Variants in ATP2C1 observed in about 807,000 individuals in gnomAD.
ATP2C1 encodes the protein calcium-transporting ATPase type 2C member 1.
In ATP2C1, 31 loss-of-function variants were observed where a neutral mutation model predicts 120.5. The observed-to-expected ratio is 0.26, with a 90% CI of 0.19 to 0.35. The LOEUF (loss-of-function observed/expected upper bound fraction) is 0.35. Among genes scored for constraint, ATP2C1 ranks in the 10% least tolerant of loss-of-function variants. ATP2C1 has a pLI of 1.00. For missense variants in ATP2C1, 731 were observed against 1,107.5 expected (o/e 0.66, Z 4.83); for synonymous variants, 351 against 358.7 (o/e 0.98, Z 0.24).
intron 5 of ATP2C1, among the ~76,000 whole-genome samples, chr3:130,934,932 C>T (rs2059602494): frequency 1.3e-5 from 2 of 152,056 alleles, no homozygotes; most frequent in African/African-American, 4.8e-5. Flanking sequence ...CTCCTGGGCT[C>T]AAGCTGTTTT....
At chr3:130,895,886 T>C (rs548344118) in intron 2 of ATP2C1, among the ~76,000 whole-genome samples, 14 of 152,336 alleles carry the variant, frequency 9.2e-5, no homozygotes, top group African/African-American at 3.4e-4. Context: ...GGATGGATAA[T>C]TGGCGGAAGA....
intron 16 of ATP2C1, among the ~76,000 whole-genome samples, chr3:130,968,273 T>C (rs1262349159): frequency 2.6e-5 from 4 of 152,222 alleles, no homozygotes; most frequent in African/African-American, 7.2e-5. Flanking sequence ...TCCTGTGTTA[T>C]GCTTATAAAG....
In ATP2C1 at chr3:130,914,815, AT is replaced by A. The variant is rs571072648; in HGVS notation, c.7-15600del. 2.0e-5 allele frequency among the ~76,000 whole-genome samples: 3 copies of A among 152,358 alleles called. No homozygotes were observed. In the South Asian group the frequency reaches 6.2e-4, roughly 32 times the overall value. ...CTTTCACGTTCTACCTCCCTACCCC[AT>A]AACATACCTTGAACATGAAAACATG... On this transcript the variant is annotated intron_variant, in intron 2 of 27. Coordinates refer to ENST00000510168, the MANE Select transcript of ATP2C1 (RefSeq NM_001378687.1).
intron 16 of ATP2C1, among the ~76,000 whole-genome samples, chr3:130,968,811 TAGG>T (rs1424782873): frequency 2.6e-5 from 4 of 152,126 alleles, no homozygotes; most frequent in Non-Finnish European, 4.4e-5. Flanking sequence ...CAAACGCTAT[TAGG>T]AGGGAAAACA....
chr3:130,987,596 G>T (rs2062082291), intron 20 of ATP2C1, among the ~76,000 whole-genome samples: 1 of 152,198 alleles, frequency 6.6e-6, no homozygotes, highest in East Asian at 1.9e-4. Flanking sequence ...CTCTCAAAGT[G>T]TTGGGATTAC....
At chr3:130,992,861 A>G (rs1022106491) in intron 20 of ATP2C1, 90 bp from the exon 21 acceptor site, 13 of 1,028,182 alleles carry the variant, frequency 1.3e-5, no homozygotes, top group Non-Finnish European at 2.0e-5. Flanking sequence ...GCTTAAATTG[A>G]TGAGTTTTTC....
intron 22 of ATP2C1, among the ~76,000 whole-genome samples, chr3:130,995,014 A>G (rs765064945): frequency 6.6e-6 from 1 of 152,198 alleles, no homozygotes. Flanking sequence ...CTTAAATTCT[A>G]TAATTCCTAT....
intron 1 of ATP2C1, among the ~76,000 whole-genome samples, chr3:130,879,015 CTATA>C (rs542411277): frequency 6.6e-6 from 1 of 152,200 alleles, no homozygotes; most frequent in South Asian, 2.1e-4. Flanking sequence ...CTATTTGAAA[CTATA>C]TAAGTATTGT....
chr3:130,931,510 A>G (rs2059446996), intron 3 of ATP2C1, among the ~76,000 whole-genome samples: 1 of 152,080 alleles, frequency 6.6e-6, no homozygotes, highest in African/African-American at 2.4e-5. Flanking sequence ...TTTATGGCCC[A>G]TTGAACGTTC....
Position 131,001,824 on chromosome 3 carries a change from T to TAG in ATP2C1, c.*475_*476insGA, listed in dbSNP as rs537175199. ...ATTCCCAGGAGTGCCATATTTCAGC[T>TAG]ACTGTATTTCCTTTTTCTTGTAATG... On this transcript the variant is annotated 3_prime_UTR_variant, in exon 28 of 28. Coordinates refer to ENST00000510168, the MANE Select transcript of ATP2C1 (RefSeq NM_001378687.1). 1.7e-5 allele frequency: 17 copies of TAG among 986,202 alleles called. No individual in the cohort carries two copies. The South Asian group carries it at 7.0e-4, about 41-fold the overall frequency. 61.1% of individuals were successfully genotyped at this position (986,202 alleles called of 1,614,324 possible).
At chr3:130,998,264 A>G in intron 25 of ATP2C1, 30 bp from the exon 26 acceptor site, 2 of 1,465,896 alleles carry the variant, frequency 1.4e-6, no homozygotes, top group Non-Finnish European at 1.9e-6. Context: ...TCAGCCACTG[A>G]AAAGTAATTT....
intron 2 of ATP2C1, among the ~76,000 whole-genome samples, chr3:130,923,232 T>C (rs114195877): frequency 0.043 from 6,521 of 152,014 alleles, 219 homozygotes; most frequent in Non-Finnish European, 0.066. Flanking sequence ...TGTCTTTCTT[T>C]TTTTTTTTGT....
intron 1 of ATP2C1, among the ~76,000 whole-genome samples, chr3:130,869,650 C>T (rs1477219456): frequency 6.6e-6 from 1 of 152,110 alleles, no homozygotes; most frequent in African/African-American, 2.4e-5. Flanking sequence ...GAAGTTTGAG[C>T]GGTCTGGATA....
rs1259134384 is a variant in ATP2C1, at chr3:130,932,105, A to G, written c.201A>G (p.Glu67=). 1 of 1,611,094 alleles carries G rather than the reference A, an allele frequency of 6.2e-7. No homozygotes were observed. The highest frequency in any genetic ancestry group is 8.5e-7 in the Non-Finnish European group (1 of 1,177,278). The part of the protein sequence containing the change: ...FHGWNEFDIS[E]DEPLWKKYIS... The stretch of plus-strand genomic sequence containing the variant: ...GCTGGAATGAGTTTGATATTAGTGA[A>G]GATGAGCCACTGTGGAAGAAGTATA... The change falls in exon 4 of 28, where the codon GAA becomes GAG. Residue 67 remains glutamate (E), a synonymous_variant. Coordinates refer to ENST00000510168, the MANE Select transcript of ATP2C1 (RefSeq NM_001378687.1).
At chr3:130,958,372 T>C (rs2108587239) in intron 11 of ATP2C1, among the ~76,000 whole-genome samples, 1 of 152,262 alleles carries the variant, frequency 6.6e-6, no homozygotes, top group Non-Finnish European at 1.5e-5. Context: ...TCCAACAAAT[T>C]TCATTTACCT....
intron 17 of ATP2C1, among the ~76,000 whole-genome samples, chr3:130,974,868 T>C (rs1180545837): frequency 1.3e-5 from 2 of 152,148 alleles, no homozygotes; most frequent in East Asian, 3.9e-4. Flanking sequence ...AGTATTTCAT[T>C]ATAAGCTTTT....
At chr3:131,014,656 A>C (rs2063506083) in intron 26 of ATP2C1, among the ~76,000 whole-genome samples, 1 of 152,226 alleles carries the variant, frequency 6.6e-6, no homozygotes, top group Non-Finnish European at 1.5e-5. Context: ...CCCCAGACTG[A>C]GCAGGTGTCT....
At chr3:130,939,314 A>G (rs2059797707) in intron 6 of ATP2C1, among the ~76,000 whole-genome samples, 2 of 152,102 alleles carry the variant, frequency 1.3e-5, no homozygotes. Context: ...TCCTTTTTAT[A>G]TTTATGTCCT....
intron 1 of ATP2C1, among the ~76,000 whole-genome samples, chr3:130,861,734 A>T (rs1005698007): frequency 6.6e-6 from 1 of 152,206 alleles, no homozygotes; most frequent in African/African-American, 2.4e-5. Context: ...ACATCACAAA[A>T]TTGTCAACAT....
Sources: allele counts gnomAD v4.1 joint callset (sites outside exome capture counted in the v4.1 genomes callset), GRCh38; gene constraint gnomAD v4.1.1; transcripts MANE v1.5; gene names NCBI Gene and HGNC (gene_info 2026-07-23, HGNC 2026-07-21).